APBA2: variants seen among roughly 807,000 people sequenced by gnomAD.
APBA2 encodes amyloid-beta A4 precursor protein-binding family A member 2.
APBA2 carries 30 observed loss-of-function variants against 75.0 expected under a neutral mutation model. The observed-to-expected ratio is 0.40, with a 90% CI of 0.30 to 0.54. The LOEUF (loss-of-function observed/expected upper bound fraction) is 0.54, where lower values mean the gene tolerates loss of function less well. APBA2 is among the 20% of genes least tolerant of loss of function. APBA2 has a pLI of 0.49. For missense variants in APBA2, 801 were observed against 1,016.1 expected (o/e 0.79, Z 2.88); for synonymous variants, 444 against 409.6 (o/e 1.08, Z -1.01).
chr15:28,971,934 C>G (rs1317853497), intron 2 of APBA2, among the ~76,000 whole-genome samples: 2 of 151,976 alleles, frequency 1.3e-5, no homozygotes, highest in African/African-American at 2.4e-5. Context: ...AAATGCTGGA[C>G]ATGAAAACAG....
intron 3 of APBA2, among the ~76,000 whole-genome samples, chr15:29,014,732 A>C (rs1404749502): frequency 6.8e-6 from 1 of 148,002 alleles, no homozygotes; most frequent in Non-Finnish European, 1.5e-5. Context: ...TTAAAGAGAC[A>C]GGGTCTCACT....
chr15:29,041,147 G>T (rs749180476), intron 3 of APBA2, among the ~76,000 whole-genome samples: 2 of 152,136 alleles, frequency 1.3e-5, no homozygotes, highest in Non-Finnish European at 2.9e-5. Flanking sequence ...TAGATCAATA[G>T]AAATTATCCT....
At chr15:29,032,432 A>G (rs1374428749) in intron 3 of APBA2, among the ~76,000 whole-genome samples, 2 of 151,778 alleles carry the variant, frequency 1.3e-5, no homozygotes, top group African/African-American at 2.4e-5. Context: ...TGGAATGTCA[A>G]CTCCTCCTGG....
intron 2 of APBA2, among the ~76,000 whole-genome samples, chr15:28,934,277 G>C (rs928233426): frequency 1.3e-5 from 2 of 152,100 alleles, no homozygotes; most frequent in African/African-American, 4.8e-5. Context: ...AATGGTTTGG[G>C]GTGGGAGGCA....
At chr15:28,933,969 G>C (rs916797415) in intron 2 of APBA2, among the ~76,000 whole-genome samples, 4 of 152,184 alleles carry the variant, frequency 2.6e-5, no homozygotes, top group Admixed American at 2.6e-4. Context: ...CAGGAGAAAG[G>C]GGGGCATGGG....
intron 8 of APBA2, among the ~76,000 whole-genome samples, chr15:29,096,853 T>C (rs2043873693): frequency 1.3e-5 from 2 of 152,326 alleles, no homozygotes; most frequent in African/African-American, 4.8e-5. Context: ...GGCAAACCAA[T>C]AGAACTTGAA....
chr15:29,086,946 A>C (rs1388197459), intron 6 of APBA2, among the ~76,000 whole-genome samples: 3 of 152,072 alleles, frequency 2.0e-5, no homozygotes, highest in Admixed American at 1.3e-4. Flanking sequence ...CTTCCCTTCC[A>C]CTATAGGTAA....
intron 11 of APBA2, 49 bp downstream of exon 11, chr15:29,105,607 C>T (rs1256085571): frequency 1.2e-6 from 2 of 1,600,072 alleles, no homozygotes; most frequent in South Asian, 1.1e-5. Flanking sequence ...CCAGCTTCTG[C>T]TCCCTGAGCT....
rs1213401240 is a variant in APBA2 at position 29,106,498 on chromosome 15, G to C, written c.1705-109G>C. The C allele has an allele frequency of 2.4e-6, 3 of 1,259,964 alleles. No homozygotes were observed. In the East Asian group the frequency reaches 7.5e-5, roughly 31 times the overall value. 78.0% of individuals were successfully genotyped at this position (1,259,964 alleles called of 1,614,324 possible). A position where few individuals can be genotyped will look rare whatever the true frequency, so the allele number is the denominator to read the frequency against. On this transcript the variant is annotated intron_variant, in intron 11 of 14. Transcript: ENST00000683413. Reference sequence around the variant, plus strand: ...GAGATGAGCCAGCCTTGGATCCCAGGGCAGGGCGGGATGTGCCAGGACAGG... The same window carrying C: ...GAGATGAGCCAGCCTTGGATCCCAGCGCAGGGCGGGATGTGCCAGGACAGG...
Position 29,078,034 on chromosome 15 carries a change from C to T in APBA2, c.1069+1943C>T, listed in dbSNP as rs1057489032. The stretch of plus-strand genomic sequence containing the variant: ...GTCCAGGGTTGGACGTGGTGGCTCA[C>T]GCCTGTAATCCCAGCACTTTGGGAG... On this transcript the variant is annotated intron_variant, in intron 6 of 14. Coordinates refer to ENST00000683413, the MANE Select transcript of APBA2 (RefSeq NM_001353788.2). Among the ~76,000 whole-genome samples, 5 of 152,146 alleles carry T rather than the reference C, an allele frequency of 3.3e-5. No individual in the cohort carries two copies. In the South Asian group the frequency reaches 6.2e-4, roughly 19 times the overall value.
rs72716260 is a variant in APBA2 at position 29,070,757 on chromosome 15, G to A, written c.952-4164G>A. The A allele has an allele frequency of 4.3e-3, 1,063 of 248,782 alleles. 7 individuals are homozygous for A. Among genetic ancestry groups the A allele is most frequent in the Non-Finnish European group, 6.8e-3 (847 of 125,228 alleles). 15.4% of individuals were successfully genotyped at this position (248,782 alleles called of 1,614,324 possible). ...GTCATGCTCTCACTGCTCCTGCTTG[G>A]AGTTCTGGTGCTGTAGCGGGTCTCG... On this transcript the variant is annotated intron_variant, in intron 4 of 14. Transcript: ENST00000683413.
chr15:29,117,144 C>A lies in APBA2; in HGVS notation c.*11C>A. 1 of 1,612,720 alleles carries A rather than the reference C, an allele frequency of 6.2e-7. No homozygotes were observed. The highest frequency in any genetic ancestry group is 8.5e-7 in the Non-Finnish European group (1 of 1,179,712). On this transcript the variant is annotated 3_prime_UTR_variant, in exon 15 of 15. Transcript: ENST00000683413. The stretch of plus-strand genomic sequence containing the variant: ...CCGCTGTACATCTAGGCCACCCCAG[C>A]CTGGCCACGCAGCCAGGACACCGGG...
intron 2 of APBA2, among the ~76,000 whole-genome samples, chr15:28,945,884 G>A (rs571719442): frequency 2.6e-5 from 4 of 152,280 alleles, no homozygotes; most frequent in Admixed American, 2.0e-4. Flanking sequence ...GTTTACAGCC[G>A]TCTTAGATAG....
intron 2 of APBA2, among the ~76,000 whole-genome samples, chr15:28,939,196 T>G (rs189973304): frequency 2.0e-4 from 31 of 152,342 alleles, no homozygotes; most frequent in African/African-American, 7.0e-4. Flanking sequence ...AATTGCTTCC[T>G]TTTTTAGTGC....
At chr15:28,987,357 G>T (rs2037976776) in intron 2 of APBA2, among the ~76,000 whole-genome samples, 1 of 152,142 alleles carries the variant, frequency 6.6e-6, no homozygotes, top group Non-Finnish European at 1.5e-5. Flanking sequence ...TTCTAGTGGA[G>T]GGGAAAGATG....
chr15:29,073,095 G>A (rs548890804), intron 4 of APBA2, among the ~76,000 whole-genome samples: 1 of 152,316 alleles, frequency 6.6e-6, no homozygotes, highest in Non-Finnish European at 1.5e-5. Flanking sequence ...GCCCCCATCA[G>A]TGCTGGGAGG....
At chr15:28,906,412 A>G (rs1452148334) in intron 1 of APBA2, among the ~76,000 whole-genome samples, 1 of 152,194 alleles carries the variant, frequency 6.6e-6, no homozygotes, top group East Asian at 1.9e-4. Context: ...TTGGGTTGTT[A>G]CCATTTTTCT....
chr15:29,054,018 G>T lies in APBA2; in HGVS notation c.134G>T (p.Gly45Val). The T allele has an allele frequency of 6.2e-7, 1 of 1,613,896 alleles. No homozygotes were observed. The highest frequency in any genetic ancestry group is 8.5e-7 in the Non-Finnish European group (1 of 1,180,012). ...CCCTTGGAGGGCTATGTGCCCGAGG[G>T]CCTGGAGCTGGCTGCCCTGCGGCCA... The part of the protein sequence containing the change: ...ELPLEGYVPE[G>V]LELAALRPES... The change falls in exon 4 of 15, where the codon GGC becomes GTC. Residue 45 changes from glycine to valine, a missense_variant. Gly to Val is a moderately radical substitution (Grantham distance 109). Coordinates refer to ENST00000683413, the MANE Select transcript of APBA2 (RefSeq NM_001353788.2). The surrounding 1 kb of genome is among the most constrained non-coding windows in gnomAD (Gnocchi z 6.1).
intron 10 of APBA2, 31 bp from the exon 11 acceptor site, chr15:29,105,348 C>G (rs1056667216): frequency 6.2e-7 from 1 of 1,602,860 alleles, no homozygotes; most frequent in Non-Finnish European, 8.5e-7. Flanking sequence ...GTGCCACGTG[C>G]CTGTCTCCAG....
Sources: gnomAD v4.1 joint callset for allele counts (sites outside exome capture counted in the v4.1 genomes callset) on GRCh38, gnomAD v4.1.1 for gene constraint, Gnocchi (gnomAD v3.1) non-coding constraint, MANE v1.5 for transcripts, NCBI Gene and HGNC (gene_info 2026-07-23, HGNC 2026-07-21) for gene names.